The following GET1 variants were observed in gnomAD, a reference collection of about 807,000 sequenced individuals.
GET1 encodes the protein guided entry of tail-anchored proteins factor 1.
A neutral mutation model predicts 22.6 loss-of-function variants in GET1; 20 were observed. The ratio of observed to expected loss-of-function variants is 0.89; its 90% CI spans 0.62 to 1.29. The LOEUF (loss-of-function observed/expected upper bound fraction) is 1.29, where lower values mean the gene tolerates loss of function less well. Ranked by LOEUF, GET1 falls within the 50% of genes most tolerant of loss-of-function variation. The pLI, the probability that GET1 is intolerant of heterozygous loss-of-function variation, is 0.00. For synonymous variants in GET1, 92 were observed against 83.8 expected (o/e 1.10, Z -0.53); for missense variants, 209 against 219.9 (o/e 0.95, Z 0.31).
chr21:39,387,670 C>T (rs1374180017), intron 1 of GET1: 1 of 251,062 alleles, frequency 4.0e-6, no homozygotes, highest in Non-Finnish European at 6.3e-6. Flanking sequence ...TAGACCCCTC[C>T]ACCCCCCCTA....
At chr21:39,413,137 G>C (rs1241665659) in intron 1 of GET1, among the ~76,000 whole-genome samples, 2 of 152,150 alleles carry the variant, frequency 1.3e-5, no homozygotes, top group African/African-American at 4.8e-5. Context: ...CATCAGACAG[G>C]GTCCTGGGAA....
chr21:39,384,904 C>T (rs1479109405), intron 1 of GET1, among the ~76,000 whole-genome samples: 1 of 152,080 alleles, frequency 6.6e-6, no homozygotes, highest in Admixed American at 6.6e-5. Flanking sequence ...TGTTGTTAGC[C>T]AGGTTCAGAA....
At chr21:39,420,104 TAG>T (rs1308460900) in intron 1 of GET1, among the ~76,000 whole-genome samples, 1 of 152,224 alleles carries the variant, frequency 6.6e-6, no homozygotes, top group African/African-American at 2.4e-5. Flanking sequence ...TGTTAATGAA[TAG>T]AGTTTCTATT....
intron 1 of GET1, among the ~76,000 whole-genome samples, chr21:39,381,111 C>G (rs2037530717): frequency 2.0e-5 from 3 of 152,118 alleles, no homozygotes; most frequent in Admixed American, 2.0e-4. Context: ...AGGAGTCTGG[C>G]TCAAGAGAAT....
At chr21:39,425,960 G>T in intron 1 of GET1, 1 of 152,588 alleles carries the variant, frequency 6.6e-6, no homozygotes. Flanking sequence ...GTCAAGAAGT[G>T]CACAGAGGGC....
Position 39,415,142 on chromosome 21 carries a change from T to G in GET1, c.*23+4205T>G, listed in dbSNP as rs183172293. On this transcript the variant is annotated intron_variant, in intron 1 of 1. Coordinates refer to the GET1 transcript ENST00000478273. ...GTCTTGACTTCTTGGGCTCAAAAGA[T>G]CCTTCTGCCTCAACTTCCCAAAAAA... 3.6e-3 allele frequency among the ~76,000 whole-genome samples: 548 copies of G among 152,264 alleles called. 1 individual carries two copies. The highest frequency in any genetic ancestry group is 0.013 in the African/African-American group (524 of 41,550).
At position 39,383,961 on chromosome 21, in the gene GET1, G is replaced by A. The variant is rs541690280; in HGVS notation, c.102+3475G>A. Among the ~76,000 whole-genome samples the A allele has an allele frequency of 5.9e-5, 9 of 151,792 alleles. No homozygotes were observed. The South Asian group carries it at 1.2e-3, about 21-fold the overall frequency. On this transcript the variant is annotated intron_variant, in intron 1 of 4. Coordinates refer to ENST00000649170, the MANE Select transcript of GET1 (RefSeq NM_004627.6). The stretch of plus-strand genomic sequence containing the variant: ...TTGCCATGTTGGCGAGGCTGGTCTC[G>A]AACTCCTGACCTCAGGTGATCCACC...
intron 1 of GET1, chr21:39,423,210 A>C: frequency 6.2e-7 from 1 of 1,612,576 alleles, no homozygotes; most frequent in South Asian, 1.1e-5. Context: ...TCTGATGTTT[A>C]GCCATAATTT....
In GET1 at chr21:39,381,477, T is replaced by G. The variant is rs1601589160; in HGVS notation, c.102+991T>G. ...GTTTTGTGCAAAACTCTATTCTTAC[T>G]CTCTCAATTGTCCTACTGTCTGCAT... On this transcript the variant is annotated intron_variant, in intron 1 of 4. Transcript: ENST00000649170. Among the ~76,000 whole-genome samples, 4 of 152,300 alleles carry G rather than the reference T, an allele frequency of 2.6e-5. No homozygotes were observed. In the East Asian group the frequency reaches 7.7e-4, roughly 29 times the overall value.
chr21:39,388,145 C>G (rs1462427529), intron 1 of GET1, among the ~76,000 whole-genome samples: 5 of 152,124 alleles, frequency 3.3e-5, no homozygotes, highest in African/African-American at 1.2e-4. Flanking sequence ...GAGGCCGAGG[C>G]TGGCGGATCG....
At chr21:39,411,176 T>C, downstream of GET1, 1 of 273,152 alleles carries the variant, frequency 3.7e-6, no homozygotes, top group South Asian at 3.7e-5. Flanking sequence ...ACCTAGGCTA[T>C]TGTGACCAAA....
chr21:39,401,262 TG>T (rs1334010856), downstream of GET1, among the ~76,000 whole-genome samples: 1 of 152,184 alleles, frequency 6.6e-6, no homozygotes, highest in Admixed American at 6.5e-5. Context: ...TTGCCCAGGC[TG>T]GTTTCAAACT....
intron 1 of GET1, among the ~76,000 whole-genome samples, chr21:39,424,500 C>G (rs1287816996): frequency 6.6e-6 from 1 of 152,136 alleles, no homozygotes; most frequent in Non-Finnish European, 1.5e-5. Flanking sequence ...CAAACCAACC[C>G]CATGACAATA....
intron 1 of GET1, among the ~76,000 whole-genome samples, chr21:39,418,793 C>G (rs2041762802): frequency 6.6e-6 from 1 of 152,166 alleles, no homozygotes; most frequent in African/African-American, 2.4e-5. Flanking sequence ...AGCCACCATG[C>G]CTGGCCAGAA....
At chr21:39,383,434 A>C (rs2037692944) in intron 1 of GET1, among the ~76,000 whole-genome samples, 2 of 150,770 alleles carry the variant, frequency 1.3e-5, no homozygotes, top group Admixed American at 1.3e-4. Flanking sequence ...GGTGCCCGCC[A>C]CTATGCCCGG....
intron 1 of GET1, chr21:39,423,027 A>T (rs755623905): frequency 6.2e-7 from 1 of 1,614,092 alleles, no homozygotes; most frequent in South Asian, 1.1e-5. Flanking sequence ...TAGATAATTT[A>T]TGAGTGAGTT....
At chr21:39,388,774 C>T (rs998788948) in intron 1 of GET1, among the ~76,000 whole-genome samples, 2 of 152,194 alleles carry the variant, frequency 1.3e-5, no homozygotes, top group Non-Finnish European at 2.9e-5. Flanking sequence ...GCCGACTCCT[C>T]CGTTGCGCTC....
chr21:39,383,501 C>T (rs2037697182), intron 1 of GET1, among the ~76,000 whole-genome samples: 1 of 151,702 alleles, frequency 6.6e-6, no homozygotes, highest in East Asian at 1.9e-4. Flanking sequence ...AGGCTGGTCT[C>T]GAACTCCTGA....
intron 1 of GET1, among the ~76,000 whole-genome samples, chr21:39,421,102 T>C (rs1343844176): frequency 8.7e-6 from 1 of 114,418 alleles, no homozygotes; most frequent in East Asian, 2.1e-4. Context: ...TAACAATTCG[T>C]TTTTTTTTTT....
Sources: allele counts gnomAD v4.1 joint callset (sites outside exome capture counted in the v4.1 genomes callset), GRCh38; gene constraint gnomAD v4.1.1; transcripts MANE v1.5; gene names NCBI Gene and HGNC (gene_info 2026-07-23, HGNC 2026-07-21).